ZSCAN32: variants seen among roughly 807,000 people sequenced by gnomAD.
The protein encoded by ZSCAN32 is zinc finger and SCAN domain containing 32.
A neutral mutation model predicts 47.4 loss-of-function variants in ZSCAN32; 52 were observed. The ratio of observed to expected loss-of-function variants is 1.10; its 90% confidence interval spans 0.88 to 1.38. The LOEUF is 1.38. Ranked by LOEUF, ZSCAN32 falls within the 40% of genes most tolerant of loss-of-function variation. The probability of loss-of-function intolerance (pLI) is 0.00; values close to 1 mark genes in which losing one functional copy is unlikely to be tolerated. For missense variants in ZSCAN32, 959 were observed against 846.0 expected, an observed-to-expected ratio of 1.13 and a Z score of -1.66; for synonymous variants, 346 against 305.7, an observed-to-expected ratio of 1.13 and a Z score of -1.38.
At position 3,384,613 on chromosome 16, in the gene ZSCAN32, A is replaced by G. The variant is rs150463106; in HGVS notation, c.1080T>C (p.Asp360=). Residue 360 remains aspartate, a synonymous_variant, in exon 6 of 7, where the codon GAT becomes GAC. Coordinates refer to ENST00000396852, the MANE Select transcript of ZSCAN32 (RefSeq NM_001284527.2). ...GGTGATTCAGCTCTCCAGCCTCAAT[A>G]TCACTTCCTTCTTGGCCAGGAACAG... ...SDAVPGQEGS[D]IEAGELNHQN... 126 of 1,613,996 alleles carry G rather than the reference A, an allele frequency of 7.8e-5. No individual in the cohort carries two copies. Among genetic ancestry groups the G allele is most frequent in the Middle Eastern group, 4.9e-4 (3 of 6,084 alleles).
In ZSCAN32 at chr16:3,384,986, T is replaced by C. The variant is rs73491722; in HGVS notation, c.752-45A>G. On this transcript the variant is annotated intron_variant, in intron 5 of 6. Transcript: ENST00000396852. ...TCAATTAGATCTGTCAGTTAGATCA[T>C]GGAGGACTGTACATACTGCAGTGTG... 9.4e-4 allele frequency: 1,487 copies of C among 1,583,040 alleles called. 16 individuals carry two copies. The African/African-American group carries it at 0.016, about 17-fold the overall frequency.
intron 3 of ZSCAN32, among the ~76,000 whole-genome samples, chr16:3,393,195 T>TAA (rs1195234656): frequency 4.3e-5 from 1 of 22,992 alleles, no homozygotes. Context: ...TATATTTATA[T>TAA]ATATATTTAT....
intron 5 of ZSCAN32, among the ~76,000 whole-genome samples, chr16:3,385,322 T>A (rs984465452): frequency 6.6e-6 from 1 of 152,170 alleles, no homozygotes; most frequent in African/African-American, 2.4e-5. Context: ...GAGAATGCCA[T>A]GCTCATGGGT....
intron 6 of ZSCAN32, 50 bp from the exon 7 acceptor site, chr16:3,383,761 A>T: frequency 1.3e-6 from 2 of 1,520,284 alleles, no homozygotes; most frequent in Non-Finnish European, 1.7e-6. Context: ...GAGAAGGAAA[A>T]CAATGGAATG....
chr16:3,394,023 G>C (rs1292665111), intron 2 of ZSCAN32, among the ~76,000 whole-genome samples: 1 of 152,174 alleles, frequency 6.6e-6, no homozygotes, highest in Non-Finnish European at 1.5e-5. Context: ...AGCACTTTGG[G>C]AGGCCGAGGC....
At position 3,389,078 on chromosome 16, in the gene ZSCAN32, T is replaced by G. The variant is rs75982940; in HGVS notation, c.751+932A>C. 2.4e-4 allele frequency among the ~76,000 whole-genome samples: 37 copies of G among 152,354 alleles called. No individual in the cohort carries two copies. The East Asian group carries it at 5.8e-3, about 24-fold the overall frequency. ...CCTTATTGTATTATCCATATATACT[T>G]AGTAATACAAATCTCAATACAGAGC... is the stretch of plus-strand genomic sequence containing the variant. On this transcript the variant is annotated intron_variant, in intron 5 of 6. Coordinates refer to ENST00000396852, the MANE Select transcript of ZSCAN32 (RefSeq NM_001284527.2).
In ZSCAN32 at chr16:3,383,458, A is replaced by G. The variant is rs779926395; in HGVS notation, c.1488T>C (p.His496=). 2 of 1,614,154 alleles carry G rather than the reference A, an allele frequency of 1.2e-6. No individual in the cohort carries two copies. Among genetic ancestry groups the G allele is most frequent in the South Asian group, 2.2e-5 (2 of 91,086 alleles). ...GAGAGCAGTTTTTCCCACAGAGGAT[A>G]TGTGTACAGGCTTTGTCCCTGGCAC... is the stretch of plus-strand genomic sequence containing the variant. ...SFCARDKACT[H]ILCGKNCSQS... is the part of the protein sequence containing the mutation. The change falls in exon 7 of 7, where the codon CAT becomes CAC. Residue 496 remains histidine (H), a synonymous_variant. Coordinates refer to ENST00000396852, the MANE Select transcript of ZSCAN32 (RefSeq NM_001284527.2).
rs575486738 is a variant in ZSCAN32, at chr16:3,395,000, G to A, written c.367-1186C>T. Among the ~76,000 whole-genome samples, 9 of 152,238 alleles carry A rather than the reference G, an allele frequency of 5.9e-5. No homozygotes were observed. The South Asian group carries it at 1.0e-3, about 18-fold the overall frequency. On this transcript the variant is annotated intron_variant, in intron 2 of 6. Transcript: ENST00000396852. The stretch of plus-strand genomic sequence containing the variant: ...TTCCTTCCAAGCACTCATCTGAAAC[G>A]ATCTTTATGGTTTACTTTTGATTTA...
intron 2 of ZSCAN32, among the ~76,000 whole-genome samples, chr16:3,394,748 C>A (rs1337725820): frequency 6.6e-6 from 1 of 152,198 alleles, no homozygotes; most frequent in African/African-American, 2.4e-5. Context: ...TCACAGCACT[C>A]TTCCCCAGTC....
intron 2 of ZSCAN32, 72 bp from the exon 3 acceptor site, chr16:3,393,886 C>T (rs1047672912): frequency 3.4e-5 from 45 of 1,322,122 alleles, no homozygotes; most frequent in Non-Finnish European, 3.2e-5. Context: ...CTAAGAGTGG[C>T]ATTAAAAAAT....
rs1217391121 is a variant in ZSCAN32, at chr16:3,382,851, C to G, written c.*1G>C. On this transcript the variant is annotated 3_prime_UTR_variant, in exon 7 of 7. Transcript: ENST00000396852. ...CTTAATCTGACAGTTTACCGACACACTCATAACGCATCTCTTCCTTCCTGT... is the reference window on the plus strand; with the variant it reads ...CTTAATCTGACAGTTTACCGACACAGTCATAACGCATCTCTTCCTTCCTGT... The G allele has an allele frequency of 6.4e-7, 1 of 1,553,118 alleles. No homozygotes were observed. Among genetic ancestry groups the G allele is most frequent in the East Asian group, 2.3e-5 (1 of 44,246 alleles).
In ZSCAN32 at chr16:3,383,124, T is replaced by G; in HGVS notation, c.1822A>C (p.Ile608Leu). Reference protein sequence around the residue: ...THTGEKPYQCIVCGKRFNNSS... With the variant: ...THTGEKPYQCLVCGKRFNNSS... ...TTGTTGAATCTCTTTCCACAGACAATGCACTGGTAAGGCTTTTCCCCGGTA... is the reference window on the plus strand; with the variant it reads ...TTGTTGAATCTCTTTCCACAGACAAGGCACTGGTAAGGCTTTTCCCCGGTA... The change falls in exon 7 of 7, where the codon ATT (isoleucine) becomes CTT (leucine). Residue 608 changes from isoleucine (I) to leucine (L), a missense_variant. Coordinates refer to ENST00000396852, the MANE Select transcript of ZSCAN32 (RefSeq NM_001284527.2). The G allele has an allele frequency of 6.2e-7, 1 of 1,614,142 alleles. No individual in the cohort carries two copies. Among genetic ancestry groups the G allele is most frequent in the Non-Finnish European group, 8.5e-7 (1 of 1,180,022 alleles).
At chr16:3,391,565 G>C (rs986822869) in intron 3 of ZSCAN32, among the ~76,000 whole-genome samples, 3 of 151,534 alleles carry the variant, frequency 2.0e-5, no homozygotes, top group African/African-American at 7.3e-5. Context: ...TGTAATCCCA[G>C]CTACTCAGGA....
chr16:3,393,132 T>A (rs900396139), intron 3 of ZSCAN32, among the ~76,000 whole-genome samples: 11 of 123,692 alleles, frequency 8.9e-5, no homozygotes, highest in African/African-American at 3.5e-4. Flanking sequence ...AAATTTGTAA[T>A]CTTGCTTTTG....
At chr16:3,396,397 C>A (rs927559550) in intron 2 of ZSCAN32, among the ~76,000 whole-genome samples, 1 of 152,194 alleles carries the variant, frequency 6.6e-6, no homozygotes, top group African/African-American at 2.4e-5. Flanking sequence ...TACCTCCTCA[C>A]TGGGAAACAC....
chr16:3,394,863 C>A (rs2033216655), intron 2 of ZSCAN32, among the ~76,000 whole-genome samples: 1 of 152,302 alleles, frequency 6.6e-6, no homozygotes, highest in South Asian at 2.1e-4. Context: ...GGAGTACTCT[C>A]CTCCCAGCTC....
chr16:3,398,425 G>A (rs1457393272), intron 1 of ZSCAN32, among the ~76,000 whole-genome samples: 1 of 152,134 alleles, frequency 6.6e-6, no homozygotes, highest in Non-Finnish European at 1.5e-5. Context: ...CAAAGCCCTA[G>A]CCTCTGAATT....
intron 1 of ZSCAN32, 67 bp from the exon 2 acceptor site, chr16:3,397,811 ACTTC>A: frequency 2.5e-6 from 1 of 406,040 alleles, no homozygotes; most frequent in Non-Finnish European, 4.4e-6. Flanking sequence ...CTTGTGATTT[ACTTC>A]CTATCCCTTT....
chr16:3,393,516 C>CT, intron 3 of ZSCAN32, 133 bp downstream of exon 3: 1 of 883,754 alleles, frequency 1.1e-6, no homozygotes, highest in South Asian at 2.8e-5. Context: ...TGAGCCAACA[C>CT]GCCCTGCCGG....
Sources: gnomAD v4.1 joint callset for allele counts (sites outside exome capture counted in the v4.1 genomes callset) on GRCh38, gnomAD v4.1.1 for gene constraint, MANE v1.5 for transcripts, NCBI Gene and HGNC (gene_info 2026-07-23, HGNC 2026-07-21) for gene names.